The following CFAP57 variants were observed in gnomAD, a reference collection of about 807,000 sequenced individuals.
CFAP57 encodes the protein cilia and flagella associated protein 57.
In CFAP57, 116 loss-of-function variants were observed where a neutral mutation model predicts 146.8. That is an observed-to-expected ratio of 0.79 (90% CI 0.68 to 0.92). CFAP57 has a LOEUF of 0.92. Ranked by LOEUF, CFAP57 falls within the 40% of genes least tolerant of loss-of-function variation. The pLI, the probability that CFAP57 is intolerant of heterozygous loss-of-function variation, is 0.00. For synonymous variants in CFAP57, 518 were observed against 552.8 expected (o/e 0.94, Z 0.88); for missense variants, 1,377 against 1,527.2 (o/e 0.90, Z 1.64).
At position 43,238,774 on chromosome 1, in the gene CFAP57, GA is replaced by G. The variant is rs1184537041; in HGVS notation, c.3405+4137del. On this transcript the variant is annotated intron_variant, in intron 21 of 22. Coordinates refer to ENST00000372492, the MANE Select transcript of CFAP57 (RefSeq NM_001378189.1). The surrounding 1 kb of genome is among the most constrained non-coding windows in gnomAD (Gnocchi z 4.3). Reference sequence around the variant, plus strand: ...TGGAGGTGACATAAATGTGAGGGGGGACAGCAGAGCCTGGAAAGCAGTAGTC... The same window carrying G: ...TGGAGGTGACATAAATGTGAGGGGGGCAGCAGAGCCTGGAAAGCAGTAGTC... Among the ~76,000 whole-genome samples the G allele has an allele frequency of 6.6e-6, 1 of 152,090 alleles. No individual in the cohort carries two copies. The highest frequency in any genetic ancestry group is 1.5e-5 in the Non-Finnish European group (1 of 68,014).
At chr1:43,200,495 A>AAAAG (rs376180757) in intron 9 of CFAP57, among the ~76,000 whole-genome samples, 142 of 150,620 alleles carry the variant, frequency 9.4e-4, no homozygotes, top group Admixed American at 3.1e-3. Flanking sequence ...CTGAAAAAAA[A>AAAAG]AAAGAAAGAA....
At chr1:43,217,696 G>T (rs1044611922) in intron 12 of CFAP57, among the ~76,000 whole-genome samples, 19 of 151,942 alleles carry the variant, frequency 1.3e-4, no homozygotes, top group Admixed American at 9.8e-4. Context: ...TCTGTCTCTC[G>T]CCTGGTCTAT....
At chr1:43,246,521 TAACTC>T (rs1458004112) in intron 22 of CFAP57, among the ~76,000 whole-genome samples, 2 of 152,072 alleles carry the variant, frequency 1.3e-5, no homozygotes, top group Non-Finnish European at 1.5e-5. Flanking sequence ...ATACAACAAT[TAACTC>T]AAAATGAATC....
chr1:43,241,088 C>T (rs183866458), intron 21 of CFAP57, among the ~76,000 whole-genome samples: 8 of 152,340 alleles, frequency 5.3e-5, no homozygotes, highest in Admixed American at 2.6e-4. Context: ...CCTGCCTCGG[C>T]CTCCCAAAGT....
At chr1:43,252,008 A>G (rs1168247853) in intron 22 of CFAP57, among the ~76,000 whole-genome samples, 1 of 152,242 alleles carries the variant, frequency 6.6e-6, no homozygotes. Context: ...CTTTGTAATA[A>G]GCCTTATAGA....
At chr1:43,204,594 C>G (rs1404706395) in intron 9 of CFAP57, among the ~76,000 whole-genome samples, 1 of 152,184 alleles carries the variant, frequency 6.6e-6, no homozygotes, top group Non-Finnish European at 1.5e-5. Flanking sequence ...TCTCATATCA[C>G]TACTCAGATC....
chr1:43,191,609 A>G (rs1406077484), intron 6 of CFAP57, among the ~76,000 whole-genome samples: 1 of 140,006 alleles, frequency 7.1e-6, no homozygotes, highest in Non-Finnish European at 1.6e-5. Flanking sequence ...AAAAAAAAGT[A>G]ATATTCCCTC....
intron 22 of CFAP57, among the ~76,000 whole-genome samples, chr1:43,247,091 C>T (rs549607834): frequency 2.0e-5 from 3 of 152,296 alleles, no homozygotes; most frequent in East Asian, 1.9e-4. Flanking sequence ...CTTTCATCCA[C>T]CTCTCCAAAC....
chr1:43,195,198 A>C (rs186873071), intron 6 of CFAP57, among the ~76,000 whole-genome samples: 17 of 152,288 alleles, frequency 1.1e-4, no homozygotes, highest in South Asian at 8.3e-4. Flanking sequence ...CACTGGATAC[A>C]CACCAGGAAT....
chr1:43,203,972 G>T (rs1282295258), intron 9 of CFAP57, among the ~76,000 whole-genome samples: 3 of 152,132 alleles, frequency 2.0e-5, no homozygotes, highest in Non-Finnish European at 4.4e-5. Flanking sequence ...AGTACCATAC[G>T]TGGGTGCATT....
At chr1:43,231,150 G>T (rs1645450489) in intron 18 of CFAP57, among the ~76,000 whole-genome samples, 1 of 152,110 alleles carries the variant, frequency 6.6e-6, no homozygotes, top group African/African-American at 2.4e-5. Flanking sequence ...TTTATGCCAG[G>T]CTTTGGGTCA....
intron 2 of CFAP57, among the ~76,000 whole-genome samples, chr1:43,180,135 GGTGGTGGTT>G (rs1479816682): frequency 6.6e-6 from 1 of 151,370 alleles, no homozygotes; most frequent in Non-Finnish European, 1.5e-5. Flanking sequence ...GAACCTGGGA[GGTGGTGGTT>G]GTGGTGAGCC....
Position 43,222,178 on chromosome 1 carries a change from G to A in CFAP57, c.2415G>A (p.Met805Ile), listed in dbSNP as rs1010525919. The change falls in exon 15 of 23, where the codon ATG becomes ATA. Residue 805 changes from methionine (M) to isoleucine (I), a missense_variant. Coordinates refer to ENST00000372492, the MANE Select transcript of CFAP57 (RefSeq NM_001378189.1). ...YQELQLKSQR[M>I]QEEYEKQLRD... ...AGCTGCAGCTCAAGTCCCAGAGGATGCAGGAAGAGTATGAAAAACAGCTCC... is the reference window on the plus strand; with the variant it reads ...AGCTGCAGCTCAAGTCCCAGAGGATACAGGAAGAGTATGAAAAACAGCTCC... 4.5e-6 allele frequency: 7 copies of A among 1,546,884 alleles called. No individual in the cohort carries two copies. The highest frequency in any genetic ancestry group is 2.4e-5 in the South Asian group (2 of 83,492).
Position 43,243,284 on chromosome 1 carries a change from C to A in CFAP57, c.3463C>A (p.Arg1155=). 1.3e-6 allele frequency: 2 copies of A among 1,550,044 alleles called. No homozygotes were observed. The highest frequency in any genetic ancestry group is 1.7e-6 in the Non-Finnish European group (2 of 1,146,656). Reference sequence around the variant, plus strand: ...GCTCCGCAGGGAGCTGAAGTTCACTCGGTCCCAAGTCTATGACCTTGAAGC... The same window carrying A: ...GCTCCGCAGGGAGCTGAAGTTCACTAGGTCCCAAGTCTATGACCTTGAAGC... ...NELRRELKFT[R]SQVYDLEAAL... The change falls in exon 22 of 23, where the codon CGG becomes AGG. Residue 1155 remains arginine (R), a synonymous_variant. Coordinates refer to ENST00000372492, the MANE Select transcript of CFAP57 (RefSeq NM_001378189.1).
chr1:43,194,803 A>G (rs1557752440), intron 6 of CFAP57: 1 of 152,188 alleles, frequency 6.6e-6, no homozygotes, highest in East Asian at 1.9e-4. Flanking sequence ...TTCTATCCCT[A>G]TATTGATGGG....
At chr1:43,174,070 A>G (rs865926797) in intron 2 of CFAP57, among the ~76,000 whole-genome samples, 2 of 152,140 alleles carry the variant, frequency 1.3e-5, no homozygotes, top group Non-Finnish European at 2.9e-5. Flanking sequence ...GCCTTGTTCA[A>G]GTCTTTTACT....
At position 43,224,164 on chromosome 1, in the gene CFAP57, A is replaced by T. The variant is rs1295716286; in HGVS notation, c.2825A>T (p.Lys942Met). Reference sequence around the variant, plus strand: ...CTGGAGAAGGACATCCAAGGCCTCAAGCGAGAGATCCAGGAAAGAGACGAG... The same window carrying T: ...CTGGAGAAGGACATCCAAGGCCTCATGCGAGAGATCCAGGAAAGAGACGAG... ...KSLEKDIQGL[K>M]REIQERDETI... Residue 942 changes from lysine to methionine, a missense_variant, in exon 17 of 23, where the codon AAG becomes ATG. Lys to Met is a moderately conservative substitution (Grantham distance 95). Transcript: ENST00000372492. 11 of 1,549,546 alleles carry T rather than the reference A, an allele frequency of 7.1e-6. No homozygotes were observed. The highest frequency in any genetic ancestry group is 1.2e-5 in the South Asian group (1 of 83,914).
chr1:43,202,697 C>T (rs369145321), intron 9 of CFAP57, among the ~76,000 whole-genome samples: 2 of 151,386 alleles, frequency 1.3e-5, no homozygotes, highest in South Asian at 2.1e-4. Context: ...ACAGGAGGAT[C>T]GCTTGAACCT....
chr1:43,234,019 G>A (rs1167855231), intron 19 of CFAP57, among the ~76,000 whole-genome samples: 1 of 152,170 alleles, frequency 6.6e-6, no homozygotes, highest in African/African-American at 2.4e-5. Context: ...CATCTGTGTG[G>A]CCTCTTAAGG....
Sources: gnomAD v4.1 joint callset for allele counts (sites outside exome capture counted in the v4.1 genomes callset) on GRCh38, gnomAD v4.1.1 for gene constraint, Gnocchi (gnomAD v3.1) non-coding constraint, MANE v1.5 for transcripts, NCBI Gene and HGNC (gene_info 2026-07-23, HGNC 2026-07-21) for gene names.